PTPRT: variants seen among roughly 807,000 people sequenced by gnomAD.
PTPRT encodes the protein receptor-type tyrosine-protein phosphatase T.
A neutral mutation model predicts 176.8 loss-of-function variants in PTPRT; 56 were observed. The ratio of observed to expected loss-of-function variants is 0.32; its 90% confidence interval spans 0.26 to 0.40. The LOEUF (loss-of-function observed/expected upper bound fraction) is 0.40. Ranked by LOEUF, PTPRT falls within the 10% of genes least tolerant of loss-of-function variation. PTPRT has a pLI of 1.00. For synonymous variants in PTPRT, 783 were observed against 739.0 expected, an observed-to-expected ratio of 1.06 and a Z score of -0.96; for missense variants, 1,540 against 1,908.2, an observed-to-expected ratio of 0.81 and a Z score of 3.60.
Position 42,116,487 on chromosome 20 carries a change from TC to T in PTPRT, c.2983-1173del, listed in dbSNP as rs544715138. Among the ~76,000 whole-genome samples, 431 of 152,336 alleles carry T rather than the reference TC, an allele frequency of 2.8e-3. 4 individuals are homozygous for T. Among genetic ancestry groups the T allele is most frequent in the Non-Finnish European group, 4.7e-3 (319 of 68,036 alleles). ...GCTGAAACCTCTCTGAGCCTCAGCTTCCTATCAATAATGATAGCTAACATTT... is the reference window on the plus strand; with the variant it reads ...GCTGAAACCTCTCTGAGCCTCAGCTTCTATCAATAATGATAGCTAACATTT... On this transcript the variant is annotated intron_variant, in intron 21 of 30. Coordinates refer to ENST00000373187, the MANE Select transcript of PTPRT (RefSeq NM_007050.6).
intron 1 of PTPRT, among the ~76,000 whole-genome samples, chr20:42,946,912 C>A (rs529807039): frequency 6.6e-6 from 1 of 152,236 alleles, no homozygotes; most frequent in East Asian, 1.9e-4. Flanking sequence ...GCCAGGATCA[C>A]CCCTCCCACA....
chr20:42,730,849 G>C (rs1374490752), intron 6 of PTPRT, among the ~76,000 whole-genome samples: 1 of 152,164 alleles, frequency 6.6e-6, no homozygotes, highest in Non-Finnish European at 1.5e-5. Context: ...CCAGCTCCTG[G>C]GTTCTCCCAC....
intron 17 of PTPRT, among the ~76,000 whole-genome samples, chr20:42,148,397 T>C (rs147520114): frequency 2.0e-5 from 3 of 152,152 alleles, no homozygotes; most frequent in Non-Finnish European, 4.4e-5. Flanking sequence ...ATTGACTCAT[T>C]TTATAGATCA....
intron 13 of PTPRT, among the ~76,000 whole-genome samples, chr20:42,273,926 C>A (rs2056982495): frequency 6.6e-6 from 1 of 152,212 alleles, no homozygotes; most frequent in Non-Finnish European, 1.5e-5. Context: ...CCATGCTGTG[C>A]TTAGCAGTAA....
intron 1 of PTPRT, among the ~76,000 whole-genome samples, chr20:43,083,347 T>TATACACAC (rs2011506495): frequency 1.0e-5 from 1 of 97,786 alleles, no homozygotes; most frequent in African/African-American, 3.6e-5. Flanking sequence ...TATATATATA[T>TATACACAC]ATATATATAT....
chr20:42,117,438 C>G (rs1987345707), intron 21 of PTPRT, among the ~76,000 whole-genome samples: 1 of 152,164 alleles, frequency 6.6e-6, no homozygotes, highest in East Asian at 1.9e-4. Flanking sequence ...CAAAAGCAAG[C>G]TGGGAATAGC....
chr20:42,902,106 C>T (rs936074562), intron 1 of PTPRT, among the ~76,000 whole-genome samples: 6 of 152,284 alleles, frequency 3.9e-5, no homozygotes, highest in Admixed American at 1.3e-4. Flanking sequence ...AGATGGATGA[C>T]GGCAGCTTAT....
At chr20:42,965,815 T>C (rs190764891) in intron 1 of PTPRT, among the ~76,000 whole-genome samples, 2 of 152,372 alleles carry the variant, frequency 1.3e-5, no homozygotes, top group African/African-American at 2.4e-5. Context: ...TTAATTTTCT[T>C]TGGGGACAGT....
chr20:42,468,864 G>A (rs2071144505), intron 8 of PTPRT, among the ~76,000 whole-genome samples: 1 of 152,148 alleles, frequency 6.6e-6, no homozygotes, highest in Non-Finnish European at 1.5e-5. Context: ...GGAATTCCCT[G>A]TGAATATGAG....
At chr20:42,169,447 G>T (rs759779097) in intron 16 of PTPRT, among the ~76,000 whole-genome samples, 1 of 151,928 alleles carries the variant, frequency 6.6e-6, no homozygotes, top group Non-Finnish European at 1.5e-5. Flanking sequence ...AACATCCATT[G>T]CTCCTCTTGC....
chr20:42,819,448 T>C (rs1451811889), intron 2 of PTPRT, among the ~76,000 whole-genome samples: 1 of 152,094 alleles, frequency 6.6e-6, no homozygotes, highest in African/African-American at 2.4e-5. Context: ...TGCAAAAACA[T>C]ACTAAAATAT....
At chr20:42,258,940 C>A (rs1415985235) in intron 13 of PTPRT, among the ~76,000 whole-genome samples, 2 of 152,210 alleles carry the variant, frequency 1.3e-5, no homozygotes, top group African/African-American at 4.8e-5. Context: ...CCAGACTCCT[C>A]AATACTACCC....
At chr20:42,375,273 C>T (rs2058637630) in intron 9 of PTPRT, among the ~76,000 whole-genome samples, 1 of 152,178 alleles carries the variant, frequency 6.6e-6, no homozygotes, top group Admixed American at 6.5e-5. Flanking sequence ...GAGACACAGT[C>T]TCTGCCCTCA....
intron 13 of PTPRT, among the ~76,000 whole-genome samples, chr20:42,254,630 G>A (rs920733044): frequency 6.6e-6 from 1 of 152,156 alleles, no homozygotes; most frequent in South Asian, 2.1e-4. Context: ...AAGTGACAGG[G>A]GGTAGATTAG....
chr20:42,878,803 C>T (rs141277078), intron 2 of PTPRT, among the ~76,000 whole-genome samples: 2,528 of 152,036 alleles, frequency 0.017, 35 homozygotes, highest in Non-Finnish European at 0.025. Context: ...CCGAGGTGGG[C>T]GGATCATGAG....
chr20:42,404,342 A>G (rs1439435297), intron 9 of PTPRT, among the ~76,000 whole-genome samples: 3 of 152,162 alleles, frequency 2.0e-5, no homozygotes, highest in Non-Finnish European at 2.9e-5. Context: ...CCAAATAAAA[A>G]GAGCCTGGGT....
intron 6 of PTPRT, among the ~76,000 whole-genome samples, chr20:42,698,706 T>C (rs2075924041): frequency 6.6e-6 from 1 of 152,156 alleles, no homozygotes; most frequent in Non-Finnish European, 1.5e-5. Flanking sequence ...GGAGGCATCA[T>C]TTATTCATTC....
chr20:42,457,250 A>T (rs1400368936), intron 8 of PTPRT, among the ~76,000 whole-genome samples: 3 of 152,202 alleles, frequency 2.0e-5, no homozygotes, highest in African/African-American at 7.2e-5. Flanking sequence ...CAAATAAATA[A>T]GAATAATAAA....
intron 16 of PTPRT, among the ~76,000 whole-genome samples, chr20:42,173,311 G>C (rs2146551456): frequency 6.6e-6 from 1 of 152,212 alleles, no homozygotes; most frequent in South Asian, 2.1e-4. Context: ...CACAATAAAG[G>C]GTTTTGTGCA....
Sources: allele counts gnomAD v4.1 joint callset (sites outside exome capture counted in the v4.1 genomes callset), GRCh38; gene constraint gnomAD v4.1.1; transcripts MANE v1.5; gene names NCBI Gene and HGNC (gene_info 2026-07-23, HGNC 2026-07-21).